The following RPS6KC1 variants were observed in gnomAD, a reference collection of about 807,000 sequenced individuals.
RPS6KC1 encodes the protein inactive ribosomal protein S6 kinase delta-1.
In RPS6KC1, 54 loss-of-function variants were observed where a neutral mutation model predicts 103.8. That is an observed-to-expected ratio of 0.52 (90% CI 0.42 to 0.65). The LOEUF is 0.65. RPS6KC1 is among the 30% of genes least tolerant of loss of function. The probability of loss-of-function intolerance (pLI) is 0.00; values close to 1 mark genes in which losing one functional copy is unlikely to be tolerated. For missense variants in RPS6KC1, 1,151 were observed against 1,253.8 expected, an observed-to-expected ratio of 0.92 and a Z score of 1.24; for synonymous variants, 439 against 438.7, an observed-to-expected ratio of 1.00 and a Z score of -0.01.
chr1:213,499,197 G>A, the RPS6KC1 span, among the ~76,000 whole-genome samples: 1 of 152,160 alleles, frequency 6.6e-6, no homozygotes, highest in Non-Finnish European at 1.5e-5. Context: ...TTCTCTAGTT[G>A]TAGAAAAAGC....
At chr1:213,530,067 T>A in the RPS6KC1 span, among the ~76,000 whole-genome samples, 7 of 131,368 alleles carry the variant, frequency 5.3e-5, no homozygotes, top group African/African-American at 1.9e-4. Flanking sequence ...TTATTATTAT[T>A]ATACGATAAG....
the RPS6KC1 span, among the ~76,000 whole-genome samples, chr1:213,478,306 A>G: frequency 6.6e-6 from 1 of 152,178 alleles, no homozygotes; most frequent in Non-Finnish European, 1.5e-5. Context: ...GTTGTAATTA[A>G]GCTGTTATAA....
At chr1:213,738,837 AAAATAAAT>A in the RPS6KC1 span, among the ~76,000 whole-genome samples, 2,598 of 143,418 alleles carry the variant, frequency 0.018, 49 homozygotes, top group East Asian at 0.083. Flanking sequence ...TCTACTCTAA[AAAATAAAT>A]AAATAAATAA....
chr1:213,752,253 T>C, the RPS6KC1 span, among the ~76,000 whole-genome samples: 2 of 152,094 alleles, frequency 1.3e-5, no homozygotes, highest in Admixed American at 1.3e-4. Context: ...TGACCTAGAC[T>C]AGGGTCGGCA....
At chr1:213,474,053 G>A in the RPS6KC1 span, among the ~76,000 whole-genome samples, 1 of 152,196 alleles carries the variant, frequency 6.6e-6, no homozygotes, top group African/African-American at 2.4e-5. Context: ...ATACCCAGCT[G>A]CTTCTCCAAA....
chr1:213,599,872 A>G, the RPS6KC1 span, among the ~76,000 whole-genome samples: 1 of 152,272 alleles, frequency 6.6e-6, no homozygotes, highest in East Asian at 1.9e-4. Context: ...TCAGGATCCC[A>G]GCTATGGGGT....
chr1:213,849,479 G>A, the RPS6KC1 span, among the ~76,000 whole-genome samples: 2 of 152,026 alleles, frequency 1.3e-5, no homozygotes, highest in African/African-American at 4.8e-5. Flanking sequence ...TTATACTAGG[G>A]TTTATTTCTG....
At chr1:213,320,334 C>T in the RPS6KC1 span, among the ~76,000 whole-genome samples, 1 of 152,212 alleles carries the variant, frequency 6.6e-6, no homozygotes, top group Admixed American at 6.5e-5. Flanking sequence ...ATGCAAATTG[C>T]ACCCACAGCA....
chr1:213,557,113 C>T, the RPS6KC1 span, among the ~76,000 whole-genome samples: 14 of 152,148 alleles, frequency 9.2e-5, 1 homozygote, highest in Admixed American at 9.2e-4. Flanking sequence ...CTAGATGGCT[C>T]CTCACCTTAT....
chr1:213,729,049 C>G, the RPS6KC1 span, among the ~76,000 whole-genome samples: 1 of 145,068 alleles, frequency 6.9e-6, no homozygotes, highest in Non-Finnish European at 1.5e-5. Context: ...ATGGGGAGAT[C>G]AGTAAATATG....
the RPS6KC1 span, among the ~76,000 whole-genome samples, chr1:213,666,882 C>T: frequency 1.3e-3 from 198 of 152,326 alleles, 1 homozygote; most frequent in African/African-American, 4.5e-3. Flanking sequence ...CCGTATGTTG[C>T]CGGGAGAGGC....
chr1:213,768,777 C>G, the RPS6KC1 span, among the ~76,000 whole-genome samples: 89 of 152,186 alleles, frequency 5.8e-4, no homozygotes, highest in Non-Finnish European at 1.1e-3. Context: ...GTCAAAACAC[C>G]AAAATGGAAA....
At chr1:213,642,589 C>G in the RPS6KC1 span, among the ~76,000 whole-genome samples, 5 of 151,772 alleles carry the variant, frequency 3.3e-5, no homozygotes, top group Admixed American at 1.3e-4. Context: ...GAATATCAAG[C>G]CTTTGATTAT....
chr1:213,580,806 TA>T, the RPS6KC1 span, among the ~76,000 whole-genome samples: 4 of 151,816 alleles, frequency 2.6e-5, no homozygotes, highest in Non-Finnish European at 4.4e-5. Flanking sequence ...GTGTAGACAT[TA>T]TTTTTTTAAG....
intron 8 of RPS6KC1, among the ~76,000 whole-genome samples, chr1:213,226,170 C>T (rs1391376901): frequency 6.8e-6 from 1 of 146,906 alleles, no homozygotes; most frequent in Non-Finnish European, 1.5e-5. Flanking sequence ...TTGAAGTGAG[C>T]GGAGATCGCA....
At chr1:213,541,053 A>G in the RPS6KC1 span, among the ~76,000 whole-genome samples, 3 of 146,216 alleles carry the variant, frequency 2.1e-5, no homozygotes, top group African/African-American at 7.5e-5. Context: ...TCCTTCCTCC[A>G]CTGAAGTTTC....
the RPS6KC1 span, among the ~76,000 whole-genome samples, chr1:213,709,863 A>G: frequency 5.9e-5 from 9 of 152,082 alleles, no homozygotes; most frequent in Non-Finnish European, 1.0e-4. Flanking sequence ...GTCTAATTTC[A>G]TTGCACTGTG....
At chr1:213,370,158 C>T in the RPS6KC1 span, among the ~76,000 whole-genome samples, 11 of 152,164 alleles carry the variant, frequency 7.2e-5, no homozygotes, top group African/African-American at 1.9e-4. Flanking sequence ...TCTTCTTTCT[C>T]TTACCTCCTT....
At chr1:213,392,557 A>G in the RPS6KC1 span, among the ~76,000 whole-genome samples, 24 of 152,240 alleles carry the variant, frequency 1.6e-4, no homozygotes, top group Non-Finnish European at 2.6e-4. Flanking sequence ...ACATGGAATT[A>G]CAGCTTCCAA....
Sources: allele counts gnomAD v4.1 joint callset (sites outside exome capture counted in the v4.1 genomes callset), GRCh38; gene constraint gnomAD v4.1.1; transcripts MANE v1.5; gene names NCBI Gene and HGNC (gene_info 2026-07-23, HGNC 2026-07-21).